CAMTA1: variants seen among roughly 807,000 people sequenced by gnomAD.
CAMTA1 encodes the protein calmodulin-binding transcription activator 1.
A neutral mutation model predicts 170.9 loss-of-function variants in CAMTA1; 27 were observed. That is an observed-to-expected ratio of 0.16 (90% CI 0.12 to 0.22). CAMTA1 has a LOEUF of 0.22. Among genes scored for constraint, CAMTA1 ranks in the 10% least tolerant of loss-of-function variants. The pLI, the probability that CAMTA1 is intolerant of heterozygous loss-of-function variation, is 1.00. For missense variants in CAMTA1, 1,619 were observed against 2,217.2 expected, an observed-to-expected ratio of 0.73 and a Z score of 5.42; for synonymous variants, 833 against 891.5, an observed-to-expected ratio of 0.93 and a Z score of 1.17.
rs568986183 is a variant in CAMTA1, at chr1:7,674,985, A to G, written c.2780-2614A>G. ...AGACAGAAAACAAACAAGGAGAAAA[A>G]GAAATAACCAAGATAACTGGTGAAA... On this transcript the variant is annotated intron_variant, in intron 10 of 22. Transcript: ENST00000303635. This position sits in a 1 kb window ranked among gnomAD's most constrained non-coding sequence, Gnocchi z 4.1. Among the ~76,000 whole-genome samples the G allele has an allele frequency of 4.5e-4, 69 of 152,210 alleles. No homozygotes were observed. Among genetic ancestry groups the G allele is most frequent in the Non-Finnish European group, 9.3e-4 (63 of 68,034 alleles).
At chr1:7,127,570 G>A (rs1215773724) in intron 4 of CAMTA1, among the ~76,000 whole-genome samples, 2 of 152,050 alleles carry the variant, frequency 1.3e-5, no homozygotes, top group Admixed American at 6.5e-5. Context: ...CAGCCTCTTC[G>A]CATTCATTCA....
In CAMTA1 at chr1:6,856,135, G is replaced by A. The variant is rs191474810; in HGVS notation, c.234+30925G>A. Among the ~76,000 whole-genome samples, 13 of 152,254 alleles carry A rather than the reference G, an allele frequency of 8.5e-5. No homozygotes were observed. The East Asian group carries it at 2.5e-3, about 29-fold the overall frequency. The stretch of plus-strand genomic sequence containing the variant: ...CTGCTGTTGTGTGCTGTAGTCTCTG[G>A]AGGCTGGAGCAGCTGCAGGTGCTTG... On this transcript the variant is annotated intron_variant, in intron 3 of 22. Coordinates refer to ENST00000303635, the MANE Select transcript of CAMTA1 (RefSeq NM_015215.4).
At chr1:7,287,780 A>T (rs1425008068) in intron 5 of CAMTA1, among the ~76,000 whole-genome samples, 1 of 152,148 alleles carries the variant, frequency 6.6e-6, no homozygotes, top group Non-Finnish European at 1.5e-5. Context: ...TGACTCAGGG[A>T]TCCTGGCTCC....
chr1:7,229,466 G>C (rs566844951), intron 4 of CAMTA1, among the ~76,000 whole-genome samples: 1 of 100,318 alleles, frequency 1.0e-5, no homozygotes, highest in African/African-American at 3.9e-5. Context: ...GAAGGAAGGA[G>C]GGCAGGAGGA....
intron 4 of CAMTA1, among the ~76,000 whole-genome samples, chr1:7,104,058 A>G (rs1643256271): frequency 6.6e-6 from 1 of 151,380 alleles, no homozygotes; most frequent in African/African-American, 2.4e-5. Context: ...ACAACTACAC[A>G]GATGTACACA....
At chr1:7,048,412 A>G (rs1191587519) in intron 3 of CAMTA1, among the ~76,000 whole-genome samples, 1 of 152,214 alleles carries the variant, frequency 6.6e-6, no homozygotes, top group African/African-American at 2.4e-5. Context: ...ACAAAGTACA[A>G]TTAAAAGTTT....
intron 4 of CAMTA1, among the ~76,000 whole-genome samples, chr1:7,100,848 G>A (rs1176404773): frequency 6.6e-6 from 1 of 152,130 alleles, no homozygotes; most frequent in Non-Finnish European, 1.5e-5. Flanking sequence ...GTGGGATCTC[G>A]ATGGCTTTTA....
intron 4 of CAMTA1, among the ~76,000 whole-genome samples, chr1:7,227,367 G>A (rs1410850697): frequency 1.3e-5 from 2 of 152,078 alleles, no homozygotes; most frequent in African/African-American, 2.4e-5. Flanking sequence ...TGCTCTTGTT[G>A]CCTAGGCTGA....
At chr1:7,118,099 C>T (rs775421494) in intron 4 of CAMTA1, among the ~76,000 whole-genome samples, 3 of 152,072 alleles carry the variant, frequency 2.0e-5, no homozygotes, top group Non-Finnish European at 4.4e-5. Context: ...TCAGAGCATC[C>T]GTCGCTCAAA....
rs774771025 is a variant in CAMTA1 at position 7,146,862 on chromosome 1, CACA to C, written c.302+55495_302+55497del. On this transcript the variant is annotated intron_variant, in intron 4 of 22. Transcript: ENST00000303635. The surrounding 1 kb of genome is among the most constrained non-coding windows in gnomAD (Gnocchi z 4.3). ...TACCATGCACACACAAACACAAAGA[CACA>C]ACATGTACACAGACACTCAAACATA... Among the ~76,000 whole-genome samples the C allele has an allele frequency of 2.4e-4, 37 of 151,754 alleles. No homozygotes were observed. Among genetic ancestry groups the C allele is most frequent in the Non-Finnish European group, 3.7e-4 (25 of 67,890 alleles).
intron 16 of CAMTA1, among the ~76,000 whole-genome samples, chr1:7,744,610 T>C (rs1441582115): frequency 1.3e-5 from 2 of 152,128 alleles, no homozygotes; most frequent in African/African-American, 4.8e-5. Flanking sequence ...GACTAAAGGT[T>C]TGGGGCCAGA....
intron 11 of CAMTA1, among the ~76,000 whole-genome samples, chr1:7,724,303 A>G (rs1251382338): frequency 6.6e-6 from 1 of 152,238 alleles, no homozygotes; most frequent in African/African-American, 2.4e-5. Flanking sequence ...TAATAGCTCT[A>G]ATATACCAAT....
At chr1:7,057,251 CAT>C (rs1343873296) in intron 3 of CAMTA1, among the ~76,000 whole-genome samples, 2 of 152,328 alleles carry the variant, frequency 1.3e-5, no homozygotes, top group Non-Finnish European at 2.9e-5. Context: ...CTTGGAGACA[CAT>C]GTGCGCGGCG....
chr1:7,157,394 A>T lies in CAMTA1; in HGVS notation c.302+66023A>T, dbSNP rs554866797. On this transcript the variant is annotated intron_variant, in intron 4 of 22. Coordinates refer to ENST00000303635, the MANE Select transcript of CAMTA1 (RefSeq NM_015215.4). Reference sequence around the variant, plus strand: ...ACAAAGAAACAAAAAACAAAAAAAAATTTTTTAGCAAGTTAGGGATAGAAG... The same window carrying T: ...ACAAAGAAACAAAAAACAAAAAAAATTTTTTTAGCAAGTTAGGGATAGAAG... Among the ~76,000 whole-genome samples the T allele has an allele frequency of 9.8e-3, 1,477 of 150,996 alleles. 15 individuals carry two copies. Among genetic ancestry groups the T allele is most frequent in the Non-Finnish European group, 0.015 (1,050 of 67,748 alleles).
chr1:7,098,918 T>C (rs528636425), intron 4 of CAMTA1, among the ~76,000 whole-genome samples: 27 of 152,208 alleles, frequency 1.8e-4, no homozygotes, highest in African/African-American at 6.3e-4. Flanking sequence ...CCCTCCTCAC[T>C]TCTTGGGGCC....
chr1:7,460,808 G>A (rs1038205556), intron 5 of CAMTA1, among the ~76,000 whole-genome samples: 19 of 152,130 alleles, frequency 1.2e-4, no homozygotes, highest in Admixed American at 2.6e-4. Flanking sequence ...GATAAACCAA[G>A]CACCAACAAA....
rs967489695 is a variant in CAMTA1, at chr1:7,596,643, G to A, written c.511-43757G>A. On this transcript the variant is annotated intron_variant, in intron 6 of 22. Transcript: ENST00000303635. ...GGTGCCAGGCTTCTCAGGGTCACTC[G>A]CTCCCTGGACTGGTTTGCTCTGACT... Among the ~76,000 whole-genome samples the A allele has an allele frequency of 6.6e-5, 10 of 152,216 alleles. 1 individual carries two copies. In the South Asian group the frequency reaches 2.1e-3, roughly 32 times the overall value.
intron 6 of CAMTA1, among the ~76,000 whole-genome samples, chr1:7,623,344 A>G (rs1053598742): frequency 4.6e-5 from 7 of 152,184 alleles, no homozygotes; most frequent in East Asian, 3.9e-4. Flanking sequence ...CCCCTACTCT[A>G]TAGAAGAGGC....
At chr1:7,266,277 T>G (rs1207250818) in intron 5 of CAMTA1, among the ~76,000 whole-genome samples, 1 of 152,242 alleles carries the variant, frequency 6.6e-6, no homozygotes, top group African/African-American at 2.4e-5. Context: ...TGCCTGGACT[T>G]TGGACACCGG....
Sources: gnomAD v4.1 joint callset for allele counts (sites outside exome capture counted in the v4.1 genomes callset) on GRCh38, gnomAD v4.1.1 for gene constraint, Gnocchi (gnomAD v3.1) non-coding constraint, MANE v1.5 for transcripts, NCBI Gene and HGNC (gene_info 2026-07-23, HGNC 2026-07-21) for gene names.